EHD4: variants seen among roughly 807,000 people sequenced by gnomAD.
EHD4 encodes the protein EH domain-containing protein 4.
Under a neutral mutation model 51.0 loss-of-function variants are expected in EHD4, and 37 were observed. The ratio of observed to expected loss-of-function variants is 0.73; its 90% confidence interval spans 0.56 to 0.95. The LOEUF is 0.95. Ranked by LOEUF, EHD4 falls within the 40% of genes least tolerant of loss-of-function variation. EHD4 has a pLI of 0.00. For synonymous variants in EHD4, 297 were observed against 317.3 expected, an observed-to-expected ratio of 0.94 and a Z score of 0.68; for missense variants, 632 against 733.1, an observed-to-expected ratio of 0.86 and a Z score of 1.59.
Position 41,911,324 on chromosome 15 carries a change from T to A in EHD4, c.925-1461A>T, listed in dbSNP as rs545036275. On this transcript the variant is annotated intron_variant, in intron 4 of 5. Transcript: ENST00000220325. ...CTTGTTTATGTACTTATTTTTCAAA[T>A]GAAGACAATTGAAATGATTTACAAG... 3.1e-4 allele frequency among the ~76,000 whole-genome samples: 47 copies of A among 152,374 alleles called. 1 individual carries two copies. Among genetic ancestry groups the A allele is most frequent in the Non-Finnish European group, 3.1e-4 (21 of 68,040 alleles).
At position 41,927,002 on chromosome 15, in the gene EHD4, C is replaced by T. The variant is rs186610728; in HGVS notation, c.512-7380G>A. Among the ~76,000 whole-genome samples the T allele has an allele frequency of 1.2e-4, 19 of 152,328 alleles. No homozygotes were observed. In the East Asian group the frequency reaches 3.5e-3, roughly 28 times the overall value. The stretch of plus-strand genomic sequence containing the variant: ...CAGCCTGAGAGCAGGGCCAAGTCTT[C>T]ACTGTGTCTGTAACCCAAAGGCCCA... On this transcript the variant is annotated intron_variant, in intron 3 of 5. Coordinates refer to ENST00000220325, the MANE Select transcript of EHD4 (RefSeq NM_139265.4).
Position 41,919,344 on chromosome 15 carries a change from G to C in EHD4, c.790C>G (p.Pro264Ala), listed in dbSNP as rs1389946553. 6.2e-7 allele frequency: 1 copy of C among 1,614,204 alleles called. No homozygotes were observed. The highest frequency in any genetic ancestry group is 1.1e-5 in the South Asian group (1 of 91,074). The change falls in exon 4 of 6, where the codon CCC (proline) becomes GCC (alanine). Residue 264 changes from proline to alanine, a missense_variant. Transcript: ENST00000220325. ...CGGCGGTTGTCCGTGTTCTGCAGGG[G>C]CTGCGCCCAGAAGGAGCCAATGTAG... ...RVYIGSFWAQ[P>A]LQNTDNRRLF...
rs187810733 is a variant in EHD4 at position 41,954,641 on chromosome 15, T to A, written c.237-701A>T. ...CTATGTAAATAAAACTGAAAAAAAA[T>A]TTTTTTTTTTGAGACTGGGTCTTGC... On this transcript the variant is annotated intron_variant, in intron 1 of 5. Transcript: ENST00000220325. Among the ~76,000 whole-genome samples, 482 of 149,780 alleles carry A rather than the reference T, an allele frequency of 3.2e-3. 4 individuals carry two copies. Among genetic ancestry groups the A allele is most frequent in the East Asian group, 0.011 (56 of 5,140 alleles).
rs2068001070 is a variant in EHD4 at position 41,972,172 on chromosome 15, G to A, written c.236+87C>T. 6 of 1,237,666 alleles carry A rather than the reference G, an allele frequency of 4.8e-6. No homozygotes were observed. In the East Asian group the frequency reaches 1.9e-4, roughly 40 times the overall value. The allele number at this position is 1,237,666 out of a possible 1,614,324, so 76.7% of individuals were successfully genotyped here. A position where few individuals can be genotyped will look rare whatever the true frequency, so the allele number is the denominator to read the frequency against. The stretch of plus-strand genomic sequence containing the variant: ...GTCCCCGAGGTCGCGCCGGCCGGGA[G>A]GGGCAGCGGCGGGAGGCGGCCGACT... On this transcript the variant is annotated intron_variant, in intron 1 of 5. Coordinates refer to ENST00000220325, the MANE Select transcript of EHD4 (RefSeq NM_139265.4).
intron 2 of EHD4, among the ~76,000 whole-genome samples, chr15:41,948,323 T>G (rs1398737813): frequency 6.6e-6 from 1 of 152,108 alleles, no homozygotes; most frequent in Non-Finnish European, 1.5e-5. Flanking sequence ...ATCTTTTTTA[T>G]TATTGTTATT....
chr15:41,972,530 C>A lies in EHD4; in HGVS notation c.-36G>T. 6.9e-7 allele frequency: 1 copy of A among 1,452,294 alleles called. No individual in the cohort carries two copies. The highest frequency in any genetic ancestry group is 9.0e-7 in the Non-Finnish European group (1 of 1,107,168). 90.0% of individuals were successfully genotyped at this position (1,452,294 alleles called of 1,614,324 possible). On this transcript the variant is annotated 5_prime_UTR_variant, in exon 1 of 6. Coordinates refer to ENST00000220325, the MANE Select transcript of EHD4 (RefSeq NM_139265.4). Reference sequence around the variant, plus strand: ...GTCCACGCTCGGATGGGACCCTGCTCCGGGTTCGACTCTCCCCGGCTCGCA... The same window carrying A: ...GTCCACGCTCGGATGGGACCCTGCTACGGGTTCGACTCTCCCCGGCTCGCA...
intron 4 of EHD4, among the ~76,000 whole-genome samples, chr15:41,914,413 C>T (rs1346443436): frequency 1.3e-5 from 2 of 152,036 alleles, no homozygotes; most frequent in East Asian, 3.8e-4. Context: ...AAAGATGAAC[C>T]CATGGGGTAA....
intron 1 of EHD4, among the ~76,000 whole-genome samples, chr15:41,965,959 C>A (rs2067959527): frequency 7.5e-6 from 1 of 132,468 alleles, no homozygotes; most frequent in Admixed American, 7.9e-5. Flanking sequence ...CTCCTGCCTA[C>A]CCCCACCACC....
intron 1 of EHD4, among the ~76,000 whole-genome samples, chr15:41,959,220 G>A (rs998774178): frequency 3.0e-4 from 45 of 151,808 alleles, no homozygotes; most frequent in African/African-American, 1.0e-3. Context: ...GTGAAACCCC[G>A]TCTCTACTAA....
At chr15:41,904,301 C>G (rs1004642152) in intron 5 of EHD4, among the ~76,000 whole-genome samples, 1 of 152,108 alleles carries the variant, frequency 6.6e-6, no homozygotes, top group Non-Finnish European at 1.5e-5. Flanking sequence ...CAGGAGGCAG[C>G]AGTTATTCCT....
chr15:41,942,702 T>C, intron 3 of EHD4: 1 of 206,666 alleles, frequency 4.8e-6, no homozygotes, highest in Non-Finnish European at 1.0e-5. Context: ...CCCCACAGCT[T>C]CCCTTAGGTA....
intron 5 of EHD4, among the ~76,000 whole-genome samples, chr15:41,906,333 T>C (rs182130004): frequency 1.1e-4 from 16 of 152,322 alleles, no homozygotes; most frequent in Non-Finnish European, 1.9e-4. Flanking sequence ...CCTGTGCCTA[T>C]AAAAACCCCA....
chr15:41,953,692 T>C, intron 2 of EHD4, 72 bp downstream of exon 2: 1 of 1,471,064 alleles, frequency 6.8e-7, no homozygotes, highest in Non-Finnish European at 9.1e-7. Flanking sequence ...TGAACCTTTA[T>C]ATGTAACTGG....
chr15:41,958,108 A>ATTGTTG (rs61558067), intron 1 of EHD4, among the ~76,000 whole-genome samples: 14,542 of 151,858 alleles, frequency 0.096, 836 homozygotes, highest in South Asian at 0.26. Context: ...AATAACAACA[A>ATTGTTG]TTCAAAGGAA....
In EHD4 at chr15:41,919,477, G is replaced by C; in HGVS notation, c.657C>G (p.Val219=). 2.6e-6 allele frequency: 4 copies of C among 1,561,216 alleles called. No homozygotes were observed. The highest frequency in any genetic ancestry group is 3.5e-6 in the Non-Finnish European group (4 of 1,155,322). The change falls in exon 4 of 6, where the codon GTC becomes GTG. Residue 219 remains valine, a synonymous_variant. Transcript: ENST00000220325. ...AFRGQDDKIR[V]VLNKADQVDT... ...CCACTTGGTCGGCCTTGTTCAGCACGACACGGATCTTGTCGTCCTGGCCCC... is the reference window on the plus strand; with the variant it reads ...CCACTTGGTCGGCCTTGTTCAGCACCACACGGATCTTGTCGTCCTGGCCCC...
intron 3 of EHD4, 21 bp downstream of exon 3, chr15:41,943,046 G>A (rs775231615): frequency 6.4e-7 from 1 of 1,551,986 alleles, no homozygotes; most frequent in Non-Finnish European, 8.7e-7. Flanking sequence ...TTGGTGGGGA[G>A]GGGCAGGGAC....
chr15:41,956,199 G>C (rs2067886817), intron 1 of EHD4, among the ~76,000 whole-genome samples: 1 of 152,234 alleles, frequency 6.6e-6, no homozygotes, highest in Non-Finnish European at 1.5e-5. Flanking sequence ...ACTGATTAAA[G>C]GGATGAACCA....
Position 41,950,231 on chromosome 15 carries a change from G to C in EHD4, c.413+3533C>G, listed in dbSNP as rs186449695. Among the ~76,000 whole-genome samples the C allele has an allele frequency of 8.5e-5, 13 of 152,324 alleles. No individual in the cohort carries two copies. In the East Asian group the frequency reaches 2.5e-3, roughly 29 times the overall value. On this transcript the variant is annotated intron_variant, in intron 2 of 5. Coordinates refer to ENST00000220325, the MANE Select transcript of EHD4 (RefSeq NM_139265.4). The stretch of plus-strand genomic sequence containing the variant: ...AAGCCAGCCTGGGAGGCTGTGACTC[G>C]GGCTTTGCTGGTTTGCTTAATGGTG...
chr15:41,959,201 GCTAACACGGTGAAAC>G (rs1306242232), intron 1 of EHD4, among the ~76,000 whole-genome samples: 1 of 151,868 alleles, frequency 6.6e-6, no homozygotes, highest in Non-Finnish European at 1.5e-5. Flanking sequence ...GACCATCCTG[GCTAACACGGTGAAAC>G]CCCGTCTCTA....
Sources: allele counts gnomAD v4.1 joint callset (sites outside exome capture counted in the v4.1 genomes callset), GRCh38; gene constraint gnomAD v4.1.1; transcripts MANE v1.5; gene names NCBI Gene and HGNC (gene_info 2026-07-23, HGNC 2026-07-21).